The following RCC1 variants were observed in gnomAD, a reference collection of about 807,000 sequenced individuals.
RCC1 encodes the protein regulator of chromosome condensation.
RCC1 carries 11 observed loss-of-function variants against 44.4 expected under a neutral mutation model. The observed-to-expected ratio is 0.25, with a 90% CI of 0.16 to 0.41. The LOEUF (loss-of-function observed/expected upper bound fraction) is 0.41. Ranked by LOEUF, RCC1 falls within the 10% of genes least tolerant of loss-of-function variation. The probability of loss-of-function intolerance (pLI) is 1.00; values close to 1 mark genes in which losing one functional copy is unlikely to be tolerated. For synonymous variants in RCC1, 213 were observed against 216.5 expected (o/e 0.98, Z 0.14); for missense variants, 386 against 547.1 (o/e 0.71, Z 2.94).
chr1:28,524,112 G>T (rs973457316), intron 4 of RCC1, among the ~76,000 whole-genome samples: 1 of 152,202 alleles, frequency 6.6e-6, no homozygotes, highest in Non-Finnish European at 1.5e-5. Flanking sequence ...ACCGTGCCCG[G>T]CCACAAAGAT....
At chr1:28,508,571 C>A (rs1462812123) in intron 2 of RCC1, 2 of 518,318 alleles carry the variant, frequency 3.9e-6, no homozygotes, top group South Asian at 2.8e-5. Context: ...AACGTGGATA[C>A]CCTGGGAGGT....
At chr1:28,508,676 GGCCTCGTGTCTGC>G in intron 2 of RCC1, 141 bp from the exon 3 acceptor site, 2 of 519,008 alleles carry the variant, frequency 3.9e-6, no homozygotes, top group Non-Finnish European at 7.7e-6. Flanking sequence ...GATGAAGCTG[GGCCTCGTGTCTGC>G]GCCTGCATAT....
At chr1:28,519,713 C>T (rs1398167865) in intron 4 of RCC1, among the ~76,000 whole-genome samples, 1 of 151,666 alleles carries the variant, frequency 6.6e-6, no homozygotes, top group Non-Finnish European at 1.5e-5. Context: ...TACAGGAACA[C>T]ACCACCAGGC....
intron 4 of RCC1, among the ~76,000 whole-genome samples, chr1:28,522,221 C>G (rs1481681188): frequency 6.6e-6 from 1 of 152,064 alleles, no homozygotes; most frequent in African/African-American, 2.4e-5. Flanking sequence ...TTTGAGACAC[C>G]AGTAGATGTT....
intron 3 of RCC1, chr1:28,510,586 G>T (rs1662458476): frequency 6.6e-6 from 1 of 152,010 alleles, no homozygotes; most frequent in African/African-American, 2.4e-5. Flanking sequence ...CCTGGTGACA[G>T]AGTTAAGTCT....
chr1:28,530,520 C>T, intron 5 of RCC1: 3 of 1,601,216 alleles, frequency 1.9e-6, no homozygotes, highest in East Asian at 2.2e-5. Flanking sequence ...CTGTCTTTTG[C>T]AGACACGAGG....
At chr1:28,516,322 G>GTGGTTTCACCA (rs1430906179) in intron 3 of RCC1, among the ~76,000 whole-genome samples, 1 of 151,864 alleles carries the variant, frequency 6.6e-6, no homozygotes, top group Admixed American at 6.6e-5. Flanking sequence ...GACCAGCCTG[G>GTGGTTTCACCA]CCAAGATGGT....
At chr1:28,530,935 T>C (rs1238744257) in intron 5 of RCC1, among the ~76,000 whole-genome samples, 1 of 152,214 alleles carries the variant, frequency 6.6e-6, no homozygotes, top group Non-Finnish European at 1.5e-5. Context: ...GATTGTTCTC[T>C]GACCCACGTA....
chr1:28,508,578 A>T (rs924476951), intron 2 of RCC1: 5 of 518,518 alleles, frequency 9.6e-6, no homozygotes, highest in African/African-American at 9.6e-5. Flanking sequence ...ATACCCTGGG[A>T]GGTCACTCTC....
intron 7 of RCC1, among the ~76,000 whole-genome samples, chr1:28,534,845 TTA>T (rs1664441563): frequency 6.6e-6 from 1 of 152,210 alleles, no homozygotes; most frequent in Admixed American, 6.5e-5. Context: ...CCAGACTTGT[TTA>T]TCTCTATTTG....
At chr1:28,522,021 G>A (rs1421131404) in intron 4 of RCC1, among the ~76,000 whole-genome samples, 1 of 152,222 alleles carries the variant, frequency 6.6e-6, no homozygotes, top group Non-Finnish European at 1.5e-5. Context: ...AGCTTCCTGT[G>A]AGGAATAAAA....
chr1:28,516,376 G>C (rs1029217117), intron 3 of RCC1, among the ~76,000 whole-genome samples: 21 of 152,146 alleles, frequency 1.4e-4, no homozygotes, highest in Non-Finnish European at 2.2e-4. Flanking sequence ...GCTGGGTGTG[G>C]TGGCAGGCAC....
Position 28,517,024 on chromosome 1 carries a change from GGC to G in RCC1, c.-10+158_-10+159del, listed in dbSNP as rs1447191806. ...TAATCCCAGCTATTTGGGAGGCTGA[GGC>G]AGGAGAATCGCTTGAACCTGGGAGG... On this transcript the variant is annotated intron_variant, in intron 4 of 12. Transcript: ENST00000683442. 6.6e-5 allele frequency among the ~76,000 whole-genome samples: 10 copies of G among 152,124 alleles called. No homozygotes were observed. In the East Asian group the frequency reaches 1.9e-3, roughly 29 times the overall value.
chr1:28,520,014 A>G (rs994149981), intron 4 of RCC1, among the ~76,000 whole-genome samples: 4 of 151,978 alleles, frequency 2.6e-5, no homozygotes, highest in African/African-American at 9.7e-5. Flanking sequence ...AATATCCTAT[A>G]ATTTTCATAA....
chr1:28,525,490 C>T (rs1406992143), intron 4 of RCC1, among the ~76,000 whole-genome samples: 1 of 152,138 alleles, frequency 6.6e-6, no homozygotes, highest in Non-Finnish European at 1.5e-5. Context: ...GGATACAGTT[C>T]AGAGAGGTTA....
rs1026556333 is a variant in RCC1 at position 28,509,134 on chromosome 1, G to A, written c.-153+229G>A. 2.2e-5 allele frequency: 7 copies of A among 325,316 alleles called. No individual in the cohort carries two copies. In the Admixed American group the frequency reaches 3.0e-4, roughly 14 times the overall value. The allele number at this position is 325,316 out of a possible 1,614,324, so 20.2% of individuals were successfully genotyped here. Reference sequence around the variant, plus strand: ...CCTCTTTTAAAAGTCGACCTGTTTTGCAGAAAGTCTGCTGTTTTTGTACTA... The same window carrying A: ...CCTCTTTTAAAAGTCGACCTGTTTTACAGAAAGTCTGCTGTTTTTGTACTA... On this transcript the variant is annotated intron_variant, in intron 3 of 12. Transcript: ENST00000683442.
intron 3 of RCC1, chr1:28,509,734 G>C (rs2124601237): frequency 6.6e-6 from 1 of 152,278 alleles, no homozygotes; most frequent in East Asian, 1.9e-4. Context: ...CAGTTCTAAA[G>C]GCCCTGAAAC....
In RCC1 at chr1:28,532,347, C is replaced by T. The variant is rs1157244966; in HGVS notation, c.438C>T (p.Phe146=). Residue 146 remains phenylalanine, a synonymous_variant, in exon 7 of 13, where the codon TTC becomes TTT. Coordinates refer to ENST00000683442, the MANE Select transcript of RCC1 (RefSeq NM_001381865.2). ...DDGRVFLWGS[F]RDNNGVIGLL... ...GCCGTGTCTTCCTCTGGGGCTCCTT[C>T]CGGGTAAGGCTGGGTCTGAAAGTCT... The T allele has an allele frequency of 6.2e-7, 1 of 1,613,894 alleles. No homozygotes were observed. Among genetic ancestry groups the T allele is most frequent in the Non-Finnish European group, 8.5e-7 (1 of 1,179,930 alleles).
At chr1:28,506,216 T>C (rs765984083) in intron 1 of RCC1, 132 bp downstream of exon 1, 5 of 436,822 alleles carry the variant, frequency 1.1e-5, no homozygotes, top group African/African-American at 6.3e-5. Context: ...TTTTTTTTTT[T>C]GAGACGGAGT....
Sources: gnomAD v4.1 joint callset for allele counts (sites outside exome capture counted in the v4.1 genomes callset) on GRCh38, gnomAD v4.1.1 for gene constraint, MANE v1.5 for transcripts, NCBI Gene and HGNC (gene_info 2026-07-23, HGNC 2026-07-21) for gene names.